KCNH8: variants seen among roughly 807,000 people sequenced by gnomAD.
The protein encoded by KCNH8 is voltage-gated delayed rectifier potassium channel KCNH8.
KCNH8 carries 70 observed loss-of-function variants against 103.6 expected under a neutral mutation model. The ratio of observed to expected loss-of-function variants is 0.68; its 90% CI spans 0.56 to 0.82. The LOEUF (loss-of-function observed/expected upper bound fraction) is 0.82, where lower values mean the gene tolerates loss of function less well. KCNH8 is among the 40% of genes least tolerant of loss of function. The pLI, the probability that KCNH8 is intolerant of heterozygous loss-of-function variation, is 0.00. For synonymous variants in KCNH8, 498 were observed against 489.4 expected, an observed-to-expected ratio of 1.02 and a Z score of -0.23; for missense variants, 1,217 against 1,329.9, an observed-to-expected ratio of 0.92 and a Z score of 1.32.
chr3:19,441,610 C>G (rs1413199066), intron 8 of KCNH8, among the ~76,000 whole-genome samples: 1 of 152,192 alleles, frequency 6.6e-6, no homozygotes, highest in Admixed American at 6.5e-5. Flanking sequence ...CTTTACTGAA[C>G]TATAAGACTG....
chr3:19,529,344 TTTTTC>T (rs1311674970), intron 15 of KCNH8, among the ~76,000 whole-genome samples: 18 of 152,324 alleles, frequency 1.2e-4, no homozygotes, highest in African/African-American at 4.3e-4. Flanking sequence ...TGTATCTTCT[TTTTTC>T]TTTTAATTAT....
chr3:19,452,021 G>C (rs1267824829), intron 10 of KCNH8, among the ~76,000 whole-genome samples: 1 of 152,166 alleles, frequency 6.6e-6, no homozygotes, highest in East Asian at 1.9e-4. Flanking sequence ...ATAAAAGGCA[G>C]TTGACAAAAA....
In KCNH8 at chr3:19,512,988, G is replaced by A; in HGVS notation, c.2098G>A (p.Gly700Ser). 1.2e-6 allele frequency: 2 copies of A among 1,613,486 alleles called. No individual in the cohort carries two copies. Residue 700 changes from glycine (G) to serine (S), a missense_variant, in exon 13 of 16, where the codon GGC (glycine) becomes AGC (serine). Around this residue, in one of 3 missense-constraint regions of KCNH8, gnomAD observed 558 missense variants for 495.8 expected, o/e 1.13. Coordinates refer to ENST00000328405, the MANE Select transcript of KCNH8 (RefSeq NM_144633.3). ...MVSQSEPKGN[G>S]NINKRLPSIV... ...GATTTAGTCAGAGCCCAAGGGAAATGGCAACATCAACAAGCGACTCCCATC... is the reference window on the plus strand; with the variant it reads ...GATTTAGTCAGAGCCCAAGGGAAATAGCAACATCAACAAGCGACTCCCATC...
At chr3:19,450,025 G>A (rs2067422633) in intron 8 of KCNH8, 81 bp from the exon 9 acceptor site, 2 of 1,200,812 alleles carry the variant, frequency 1.7e-6, no homozygotes, top group East Asian at 4.8e-5. Context: ...CTCTGATCCA[G>A]GATAAACTGT....
intron 5 of KCNH8, among the ~76,000 whole-genome samples, chr3:19,351,829 T>A (rs1304324665): frequency 2.0e-5 from 3 of 152,106 alleles, no homozygotes; most frequent in African/African-American, 7.2e-5. Context: ...CTGCGTCAAC[T>A]AACAAGCAAA....
At chr3:19,487,388 T>C (rs956732505) in intron 11 of KCNH8, among the ~76,000 whole-genome samples, 4 of 152,160 alleles carry the variant, frequency 2.6e-5, no homozygotes, top group Non-Finnish European at 5.9e-5. Context: ...CACTGGCCGG[T>C]AGTCCTTTGT....
rs541030679 is a variant in KCNH8, at chr3:19,213,730, C to T, written c.77-39924C>T. On this transcript the variant is annotated intron_variant, in intron 1 of 15. Transcript: ENST00000328405. Reference sequence around the variant, plus strand: ...AACGGAATTCCTTTAAGTACTTCCCCTTTAAAGAGAGCATAATGTTAATCG... The same window carrying T: ...AACGGAATTCCTTTAAGTACTTCCCTTTTAAAGAGAGCATAATGTTAATCG... 1.2e-3 allele frequency among the ~76,000 whole-genome samples: 182 copies of T among 152,258 alleles called. 2 individuals are homozygous for T. The highest frequency in any genetic ancestry group is 3.7e-3 in the African/African-American group (155 of 41,552).
At chr3:19,274,828 TCCCTCCCCTCCCCACCCCTCCCCTC>T (rs2064640623) in intron 2 of KCNH8, among the ~76,000 whole-genome samples, 1 of 65,536 alleles carries the variant, frequency 1.5e-5, no homozygotes, top group Non-Finnish European at 3.0e-5. Flanking sequence ...TCCCTTCCCT[TCCCTCCCCTCCCCACCCCTCCCCTC>T]CCCTCCCCAC....
In KCNH8 at chr3:19,371,895, C is replaced by G. The variant is rs765370322; in HGVS notation, c.812-18586C>G. Among the ~76,000 whole-genome samples the G allele has an allele frequency of 6.4e-3, 966 of 150,402 alleles. 1 individual carries two copies. The highest frequency in any genetic ancestry group is 0.011 in the Non-Finnish European group (737 of 67,420). ...TCCTTTCCCCATTGCTTGTTTTTCT[C>G]AGGTTTGTCAAAGATCAGATAGTTG... is the stretch of plus-strand genomic sequence containing the variant. On this transcript the variant is annotated intron_variant, in intron 5 of 15. Transcript: ENST00000328405.
At chr3:19,434,677 G>A (rs1331525369) in intron 7 of KCNH8, among the ~76,000 whole-genome samples, 2 of 152,124 alleles carry the variant, frequency 1.3e-5, no homozygotes, top group Admixed American at 1.3e-4. Flanking sequence ...TTGTGGAGAG[G>A]GGGGAAACAA....
intron 3 of KCNH8, among the ~76,000 whole-genome samples, chr3:19,338,185 G>C (rs140644619): frequency 6.6e-6 from 1 of 152,046 alleles, no homozygotes; most frequent in East Asian, 1.9e-4. Context: ...TCTGACTTCT[G>C]CCTACCTTCT....
rs1369694678 is a variant in KCNH8, at chr3:19,253,696, TC to T, written c.123del (p.Ile42Ter). The T allele has an allele frequency of 1.9e-6, 3 of 1,613,744 alleles. No individual in the cohort carries two copies. Among genetic ancestry groups the T allele is most frequent in the Non-Finnish European group, 2.5e-6 (3 of 1,179,886 alleles). The stretch of plus-strand genomic sequence containing the variant: ...GCCAATGCCCAGGTGGCTAAGGGTT[TC>T]CCCATAGTCTACTGTTCCGATGGCT... ...ILANAQVAKG[F>X]PIVYCSDGFC... is the part of the protein sequence containing the mutation. On this transcript the variant is annotated frameshift_variant, in exon 2 of 16. Transcript: ENST00000328405. LOFTEE classifies it high-confidence loss of function.
chr3:19,456,887 G>GT lies in KCNH8; in HGVS notation c.1945_1946insT (p.Glu649ValfsTer20). 6.2e-7 allele frequency: 1 copy of GT among 1,612,598 alleles called. No individual in the cohort carries two copies. The highest frequency in any genetic ancestry group is 8.5e-7 in the Non-Finnish European group (1 of 1,179,032). ...GTGTATCATCCTCAAAGGACTCTTT[G>GT]AAGTGCTAGACCTTTACCCAGAATA... is the stretch of plus-strand genomic sequence containing the variant. On this transcript the variant is annotated frameshift_variant, in exon 11 of 16. Transcript: ENST00000328405. LOFTEE classifies it high-confidence loss of function.
chr3:19,211,206 T>C (rs888858362), intron 1 of KCNH8, among the ~76,000 whole-genome samples: 5 of 152,130 alleles, frequency 3.3e-5, no homozygotes, highest in Admixed American at 2.6e-4. Context: ...GAAAAACATA[T>C]ACAATGATAA....
At chr3:19,230,693 A>ATTCTC (rs145205986) in intron 1 of KCNH8, among the ~76,000 whole-genome samples, 8,711 of 152,196 alleles carry the variant, frequency 0.057, 857 homozygotes, top group African/African-American at 0.2. Flanking sequence ...GTAAACATTT[A>ATTCTC]TTGTGCTCAA....
chr3:19,505,932 T>G (rs112954417), intron 11 of KCNH8, among the ~76,000 whole-genome samples: 1 of 152,282 alleles, frequency 6.6e-6, no homozygotes, highest in South Asian at 2.1e-4. Flanking sequence ...ACTCTGAGAT[T>G]CTTTCCTCAG....
chr3:19,439,305 T>C (rs1226052054), intron 8 of KCNH8, among the ~76,000 whole-genome samples: 1 of 152,228 alleles, frequency 6.6e-6, no homozygotes, highest in Non-Finnish European at 1.5e-5. Context: ...AGAAATCAAA[T>C]TTTTAAAGCA....
chr3:19,284,707 C>A (rs2064806767), intron 3 of KCNH8, among the ~76,000 whole-genome samples: 1 of 151,802 alleles, frequency 6.6e-6, no homozygotes, highest in Non-Finnish European at 1.5e-5. Flanking sequence ...TCAAGTGTTA[C>A]TTATGGAGTG....
At chr3:19,268,216 G>T (rs1321590027) in intron 2 of KCNH8, among the ~76,000 whole-genome samples, 1 of 152,106 alleles carries the variant, frequency 6.6e-6, no homozygotes, top group Non-Finnish European at 1.5e-5. Context: ...TAGGAAGTTT[G>T]AAGGCAAGTT....
Sources: gnomAD v4.1 joint callset for allele counts (sites outside exome capture counted in the v4.1 genomes callset) on GRCh38, gnomAD v4.1.1 for gene constraint, gnomAD v4.1.1 regional missense constraint, MANE v1.5 for transcripts, NCBI Gene and HGNC (gene_info 2026-07-23, HGNC 2026-07-21) for gene names.